Variants in NT5C2 observed in about 807,000 individuals in gnomAD.
NT5C2 encodes 5'-nucleotidase, cytosolic II.
Under a neutral mutation model 76.1 loss-of-function variants are expected in NT5C2, and 58 were observed. The observed-to-expected ratio is 0.76, with a 90% CI of 0.62 to 0.95. The LOEUF (loss-of-function observed/expected upper bound fraction) is 0.95. NT5C2 is among the 40% of genes least tolerant of loss of function. The pLI is 0.00. For missense variants in NT5C2, 478 were observed against 690.3 expected (o/e 0.69, Z 3.45); for synonymous variants, 229 against 237.4 (o/e 0.96, Z 0.32).
chr10:103,146,202 G>A, intron 3 of NT5C2: 1 of 985,366 alleles, frequency 1.0e-6, no homozygotes, highest in Non-Finnish European at 1.2e-6. Context: ...TTCCGAGACA[G>A]TGCTGGAGAA....
chr10:103,189,922 G>A lies in NT5C2; in HGVS notation c.-169+3314C>T, dbSNP rs551025444. 6.8e-5 allele frequency among the ~76,000 whole-genome samples: 10 copies of A among 146,034 alleles called. No individual in the cohort carries two copies. In the South Asian group the frequency reaches 2.0e-3, roughly 29 times the overall value. On this transcript the variant is annotated intron_variant, in intron 1 of 18. Coordinates refer to ENST00000404739, the MANE Select transcript of NT5C2 (RefSeq NM_001351169.2). ...TGACCTCAGGTGATCCACCTGCCTCGACCTCCCAAAGTGCTGGGATTACAG... is the reference window on the plus strand; with the variant it reads ...TGACCTCAGGTGATCCACCTGCCTCAACCTCCCAAAGTGCTGGGATTACAG...
At chr10:103,115,909 A>G (rs2074232903) in intron 4 of NT5C2, among the ~76,000 whole-genome samples, 1 of 152,166 alleles carries the variant, frequency 6.6e-6, no homozygotes, top group African/African-American at 2.4e-5. Flanking sequence ...TCTACAAGTA[A>G]GATAATGCAC....
At chr10:103,168,787 T>C (rs1055070993) in intron 3 of NT5C2, among the ~76,000 whole-genome samples, 3 of 152,206 alleles carry the variant, frequency 2.0e-5, no homozygotes, top group African/African-American at 4.8e-5. Context: ...AGCTGGAAGT[T>C]AGATATTTAT....
At chr10:103,105,639 AGAT>A in intron 6 of NT5C2, 64 bp downstream of exon 6, 2 of 994,866 alleles carry the variant, frequency 2.0e-6, no homozygotes, top group Non-Finnish European at 3.1e-6. Flanking sequence ...ACATCTGGGG[AGAT>A]GATGTCATCT....
rs2066026329 is a variant in NT5C2 at position 103,088,814 on chromosome 10, G to GTC, written c.*857_*858insGA. ...TTTAATATACAGCAATCAACTCTTA[G>GTC]AGGACAAAGAAATCTGGAATTGGGT... On this transcript the variant is annotated 3_prime_UTR_variant, in exon 19 of 19. Coordinates refer to ENST00000404739, the MANE Select transcript of NT5C2 (RefSeq NM_001351169.2). 5.3e-6 allele frequency: 1 copy of GTC among 190,300 alleles called. No individual in the cohort carries two copies. The highest frequency in any genetic ancestry group is 1.1e-5 in the Non-Finnish European group (1 of 90,740). The allele number at this position is 190,300 out of a possible 1,614,324, so 11.8% of individuals were successfully genotyped here.
chr10:103,170,332 T>A (rs969631831), intron 3 of NT5C2, among the ~76,000 whole-genome samples: 5 of 151,904 alleles, frequency 3.3e-5, no homozygotes, highest in Admixed American at 2.6e-4. Flanking sequence ...AGATAAAAAA[T>A]TTTTTTCAAT....
chr10:103,143,572 G>A (rs775092616), intron 3 of NT5C2, among the ~76,000 whole-genome samples: 3 of 149,926 alleles, frequency 2.0e-5, no homozygotes, highest in Non-Finnish European at 4.4e-5. Context: ...AAGTAGCTGG[G>A]ACCACAGGTA....
At chr10:103,108,133 C>T (rs191428969) in intron 4 of NT5C2, among the ~76,000 whole-genome samples, 162 of 151,774 alleles carry the variant, frequency 1.1e-3, no homozygotes, top group Middle Eastern at 3.4e-3. Context: ...CCAGCCTTGG[C>T]GACAGAGTGA....
chr10:103,157,193 T>C (rs1034283232), intron 3 of NT5C2, among the ~76,000 whole-genome samples: 1 of 151,628 alleles, frequency 6.6e-6, no homozygotes, highest in Non-Finnish European at 1.5e-5. Context: ...CAAATGAACC[T>C]AATTATACTG....
chr10:103,175,611 G>A (rs887407103), intron 2 of NT5C2: 1 of 212,424 alleles, frequency 4.7e-6, no homozygotes, highest in Admixed American at 4.5e-5. Context: ...GTTGCGGCAG[G>A]TGCTTCCCCT....
intron 1 of NT5C2, among the ~76,000 whole-genome samples, chr10:103,183,291 A>ATATATATTCTATATATATATATC (rs1554841794): frequency 7.8e-6 from 1 of 128,146 alleles, no homozygotes; most frequent in Non-Finnish European, 1.6e-5. Context: ...ATATATATAT[A>ATATATATTCTATATATATATATC]TATCACACAC....
At chr10:103,174,827 GTT>G in intron 3 of NT5C2, 29 bp downstream of exon 3, 1 of 1,421,928 alleles carries the variant, frequency 7.0e-7, no homozygotes, top group South Asian at 1.1e-5. Context: ...TCATAGAGGG[GTT>G]TTGAGGATTA....
In NT5C2 at chr10:103,158,587, G is replaced by A. The variant is rs532176507; in HGVS notation, c.101+16271C>T. ...AATCCCAGCACTTTGGAAGGCCAAG[G>A]CAGGCGATCACTTGAGGTGAGGAGT... On this transcript the variant is annotated intron_variant, in intron 3 of 18. Coordinates refer to ENST00000404739, the MANE Select transcript of NT5C2 (RefSeq NM_001351169.2). Among the ~76,000 whole-genome samples, 4 of 152,192 alleles carry A rather than the reference G, an allele frequency of 2.6e-5. No homozygotes were observed. In the South Asian group the frequency reaches 8.3e-4, roughly 32 times the overall value.
chr10:103,122,297 T>G (rs1438837110), intron 4 of NT5C2, among the ~76,000 whole-genome samples: 1 of 152,258 alleles, frequency 6.6e-6, no homozygotes, highest in Admixed American at 6.5e-5. Context: ...TAACACAGTT[T>G]CTATCTGTAT....
intron 4 of NT5C2, among the ~76,000 whole-genome samples, chr10:103,129,203 G>A (rs1449890014): frequency 1.0e-5 from 1 of 97,324 alleles, no homozygotes; most frequent in Non-Finnish European, 2.3e-5. Context: ...CTACTGGGAA[G>A]TGAGGAGCCC....
At chr10:103,127,557 A>G (rs910216089) in intron 4 of NT5C2, among the ~76,000 whole-genome samples, 2 of 152,212 alleles carry the variant, frequency 1.3e-5, no homozygotes, top group African/African-American at 2.4e-5. Context: ...ATAAATGATT[A>G]CCAAATGATT....
Position 103,175,755 on chromosome 10 carries a change from A to G in NT5C2, c.-24-773T>C, listed in dbSNP as rs79478479. 708 of 272,882 alleles carry G rather than the reference A, an allele frequency of 2.6e-3. 7 individuals are homozygous for G. Among genetic ancestry groups the G allele is most frequent in the African/African-American group, 0.015 (666 of 44,404 alleles). 16.9% of individuals were successfully genotyped at this position (272,882 alleles called of 1,614,324 possible). On this transcript the variant is annotated intron_variant, in intron 2 of 18. Coordinates refer to ENST00000404739, the MANE Select transcript of NT5C2 (RefSeq NM_001351169.2). ...CCACTGGCGATGCCATTGAGCCAGC[A>G]TCCCCTATCCAGGGTGCTGAGGCCA... is the stretch of plus-strand genomic sequence containing the variant.
intron 15 of NT5C2, 137 bp from the exon 16 acceptor site, chr10:103,091,752 T>A: frequency 1.5e-6 from 1 of 680,000 alleles, no homozygotes; most frequent in South Asian, 1.7e-5. Context: ...TACAGTTACC[T>A]CCTCTTCCCC....
chr10:103,139,798 C>A (rs1181334799), intron 3 of NT5C2, among the ~76,000 whole-genome samples: 1 of 152,154 alleles, frequency 6.6e-6, no homozygotes, highest in South Asian at 2.1e-4. Flanking sequence ...ATTAACAGTA[C>A]ATAATACAAT....
Sources: gnomAD v4.1 joint callset for allele counts (sites outside exome capture counted in the v4.1 genomes callset) on GRCh38, gnomAD v4.1.1 for gene constraint, MANE v1.5 for transcripts, NCBI Gene and HGNC (gene_info 2026-07-23, HGNC 2026-07-21) for gene names.